The following CMBL variants were observed in gnomAD, a reference collection of about 807,000 sequenced individuals.
CMBL encodes carboxymethylenebutenolidase homolog (Pseudomonas).
CMBL carries 17 observed loss-of-function variants against 28.7 expected under a neutral mutation model. The ratio of observed to expected loss-of-function variants is 0.59; its 90% CI spans 0.41 to 0.89. CMBL has a LOEUF of 0.89. Among genes scored for constraint, CMBL ranks in the 40% least tolerant of loss-of-function variants. The pLI is 0.00. For missense variants in CMBL, 310 were observed against 298.5 expected, an observed-to-expected ratio of 1.04 and a Z score of -0.28; for synonymous variants, 106 against 101.6, an observed-to-expected ratio of 1.04 and a Z score of -0.26.
chr5:10,301,613 T>G (rs2126563250), intron 1 of CMBL, among the ~76,000 whole-genome samples: 1 of 148,240 alleles, frequency 6.7e-6, no homozygotes, highest in East Asian at 1.9e-4. Context: ...CGGGTTTTTT[T>G]TTTTTTGGAG....
At chr5:10,301,817 GTCTGGGCTGACTTCTTA>G (rs11267427) in intron 1 of CMBL, among the ~76,000 whole-genome samples, 73,540 of 151,320 alleles carry the variant, frequency 0.49, 20,206 homozygotes, top group Non-Finnish European at 0.63. Context: ...CGCCAGGCTG[GTCTGGGCTGACTTCTTA>G]TCTGGGCTGA....
rs116704059 is a variant in CMBL, at chr5:10,280,352, C to A, written c.*101G>T. ...GAAATAATCAATTTTAGGATTCCTA[C>A]ACTTATTTTATAAAAGTGAAAATTA... On this transcript the variant is annotated 3_prime_UTR_variant, in exon 6 of 6. Transcript: ENST00000296658. 2.8e-3 allele frequency: 2,407 copies of A among 862,392 alleles called. 40 individuals are homozygous for A. In the African/African-American group the frequency reaches 0.034, roughly 12 times the overall value. The allele number at this position is 862,392 out of a possible 1,614,324, so 53.4% of individuals were successfully genotyped here. A position where few individuals can be genotyped will look rare whatever the true frequency, so the allele number is the denominator to read the frequency against.
intron 1 of CMBL, among the ~76,000 whole-genome samples, chr5:10,296,837 G>C (rs912924346): frequency 6.6e-6 from 1 of 152,192 alleles, no homozygotes; most frequent in East Asian, 1.9e-4. Context: ...ACCTCCACAA[G>C]GACAGGCTTG....
intron 4 of CMBL, among the ~76,000 whole-genome samples, chr5:10,285,823 G>T (rs147399069): frequency 0.021 from 3,165 of 149,502 alleles, 105 homozygotes; most frequent in African/African-American, 0.072. Flanking sequence ...CTCAGCCTCC[G>T]GAGTAGCTAG....
chr5:10,292,208 AT>A (rs57766049), intron 1 of CMBL: 36,603 of 151,448 alleles, frequency 0.24, 6,290 homozygotes, highest in African/African-American at 0.49. Context: ...CTCAACTTGG[AT>A]TTTTTTTTGT....
At chr5:10,293,906 CA>C (rs1238374454) in intron 1 of CMBL, among the ~76,000 whole-genome samples, 2 of 152,278 alleles carry the variant, frequency 1.3e-5, no homozygotes, top group South Asian at 2.1e-4. Flanking sequence ...AGAAGAAAAA[CA>C]GAGCAGAGAA....
Position 10,286,348 on chromosome 5 carries a change from A to G in CMBL, c.466+6T>C. The G allele has an allele frequency of 6.2e-7, 1 of 1,612,930 alleles. No homozygotes were observed. The highest frequency in any genetic ancestry group is 1.1e-5 in the South Asian group (1 of 90,726). ...CATGGAGTAAAAATGCACAAGGCAG[A>G]TTTACCATAGACGGACACCCCTGCC... On this transcript the variant is annotated splice_donor_region_variant and intron_variant, in intron 4 of 5. Transcript: ENST00000296658.
chr5:10,289,114 C>T lies in CMBL; in HGVS notation c.216-585G>A, dbSNP rs1466596273. Reference sequence around the variant, plus strand: ...GCAAGTCAACCCAGAGGGATAGAGCCAGCCGCTGGGGTTGAGTCCTGTTTC... The same window carrying T: ...GCAAGTCAACCCAGAGGGATAGAGCTAGCCGCTGGGGTTGAGTCCTGTTTC... On this transcript the variant is annotated intron_variant, in intron 2 of 5. Coordinates refer to ENST00000296658, the MANE Select transcript of CMBL (RefSeq NM_138809.4). This position sits in a 1 kb window ranked among gnomAD's most constrained non-coding sequence, Gnocchi z 4.3. Among the ~76,000 whole-genome samples the T allele has an allele frequency of 6.6e-6, 1 of 152,196 alleles. No individual in the cohort carries two copies. Among genetic ancestry groups the T allele is most frequent in the African/African-American group, 2.4e-5 (1 of 41,450 alleles).
chr5:10,303,920 G>A (rs927016138), intron 1 of CMBL, among the ~76,000 whole-genome samples: 1 of 152,206 alleles, frequency 6.6e-6, no homozygotes, highest in Admixed American at 6.5e-5. Context: ...AGGGTGCACA[G>A]TAAGGATTTT....
At chr5:10,283,956 A>G (rs1197421157) in intron 4 of CMBL, among the ~76,000 whole-genome samples, 1 of 152,240 alleles carries the variant, frequency 6.6e-6, no homozygotes. Context: ...CGTAAATAAC[A>G]TAACTTTTTT....
chr5:10,288,373 A>G (rs373589240), intron 3 of CMBL, 49 bp downstream of exon 3: 2 of 1,388,602 alleles, frequency 1.4e-6, no homozygotes, highest in African/African-American at 2.8e-5. Context: ...CCCAGCTCTC[A>G]CCTCCCTGGG....
chr5:10,300,352 T>C (rs1312872972), intron 1 of CMBL, among the ~76,000 whole-genome samples: 1 of 152,148 alleles, frequency 6.6e-6, no homozygotes, highest in Non-Finnish European at 1.5e-5. Flanking sequence ...CACTTTCAAT[T>C]TGGACTCCTG....
intron 1 of CMBL, among the ~76,000 whole-genome samples, chr5:10,299,493 A>C (rs990172522): frequency 1.3e-5 from 2 of 152,190 alleles, no homozygotes; most frequent in African/African-American, 2.4e-5. Flanking sequence ...TTAAAGAAGC[A>C]GATGCCCCGC....
intron 4 of CMBL, among the ~76,000 whole-genome samples, chr5:10,284,582 G>A (rs912879006): frequency 2.6e-5 from 4 of 152,188 alleles, no homozygotes; most frequent in African/African-American, 9.7e-5. Flanking sequence ...AACTGCATGA[G>A]ACATTCAAGA....
chr5:10,298,865 C>T (rs914362756), intron 1 of CMBL, among the ~76,000 whole-genome samples: 17 of 152,172 alleles, frequency 1.1e-4, no homozygotes, highest in African/African-American at 4.1e-4. Flanking sequence ...TGCACTCCAG[C>T]CTGGGCGACA....
rs982477207 is a variant in CMBL, at chr5:10,279,606, A to C, written c.*847T>G. On this transcript the variant is annotated 3_prime_UTR_variant, in exon 6 of 6. Transcript: ENST00000296658. ...GTCCAGGCTGGAGTGCAGTAGCGCA[A>C]CCTCGACTCACTGCAACCTCTGCCT... The C allele has an allele frequency of 6.6e-6, 1 of 151,618 alleles. No individual in the cohort carries two copies. Among genetic ancestry groups the C allele is most frequent in the Non-Finnish European group, 1.5e-5 (1 of 67,996 alleles). 9.4% of individuals were successfully genotyped at this position (151,618 alleles called of 1,614,324 possible). A position where few individuals can be genotyped will look rare whatever the true frequency, so the allele number is the denominator to read the frequency against.
Position 10,297,617 on chromosome 5 carries a change from G to T in CMBL, c.-19-6836C>A, listed in dbSNP as rs145512993. Among the ~76,000 whole-genome samples the T allele has an allele frequency of 3.2e-3, 475 of 150,700 alleles. 1 individual carries two copies. Among genetic ancestry groups the T allele is most frequent in the African/African-American group, 0.011 (453 of 41,244 alleles). ...AAAGAGACTGTGCAAAAGATGGAGG[G>T]AAGACACAGGGATGAGCCTTTTTTT... On this transcript the variant is annotated intron_variant, in intron 1 of 5. Transcript: ENST00000296658.
chr5:10,282,203 G>C lies in CMBL; in HGVS notation c.552C>G (p.Leu184=). Reference sequence around the variant, plus strand: ...AGAAAAGATGCCAACTTACGTCCTTGAGTGGAATCACAACATCATTTTCAG... The same window carrying C: ...AGAAAAGATGCCAACTTACGTCCTTCAGTGGAATCACAACATCATTTTCAG... The part of the protein sequence containing the change: ...IFAENDVVIP[L]KDVSLLTQKL... Residue 184 remains leucine (L), a synonymous_variant, in exon 5 of 6, where the codon CTC becomes CTG. Transcript: ENST00000296658. The C allele has an allele frequency of 6.2e-7, 1 of 1,602,900 alleles. No homozygotes were observed. Among genetic ancestry groups the C allele is most frequent in the Non-Finnish European group, 8.5e-7 (1 of 1,169,866 alleles).
At position 10,286,363 on chromosome 5, in the gene CMBL, A is replaced by C; in HGVS notation, c.457T>G (p.Ser153Ala). ...MKYSEFRAGVSVYGIVKDSED... is the reference protein window; with the variant it reads ...MKYSEFRAGVAVYGIVKDSED... ...CACAAGGCAGATTTACCATAGACGG[A>C]CACCCCTGCCCTGAATTCTGAGTAT... The change falls in exon 4 of 6, where the codon TCC becomes GCC. Residue 153 changes from serine (S) to alanine (A), a missense_variant. Transcript: ENST00000296658. The C allele has an allele frequency of 6.2e-7, 1 of 1,613,658 alleles. No individual in the cohort carries two copies. The highest frequency in any genetic ancestry group is 8.5e-7 in the Non-Finnish European group (1 of 1,179,794).
Sources: gnomAD v4.1 joint callset for allele counts (sites outside exome capture counted in the v4.1 genomes callset) on GRCh38, gnomAD v4.1.1 for gene constraint, Gnocchi (gnomAD v3.1) non-coding constraint, MANE v1.5 for transcripts, NCBI Gene and HGNC (gene_info 2026-07-23, HGNC 2026-07-21) for gene names.